The following DNAH11 variants were observed in gnomAD, a reference collection of about 807,000 sequenced individuals.
The protein encoded by DNAH11 is axonemal beta dynein heavy chain 11.
DNAH11 carries 442 observed loss-of-function variants against 526.0 expected under a neutral mutation model. The observed-to-expected ratio is 0.84, with a 90% CI of 0.78 to 0.91. The LOEUF (loss-of-function observed/expected upper bound fraction) is 0.91, where lower values mean the gene tolerates loss of function less well. Among genes scored for constraint, DNAH11 ranks in the 40% least tolerant of loss-of-function variants. DNAH11 has a pLI of 0.00. For synonymous variants in DNAH11, 2,461 were observed against 1,935.9 expected (o/e 1.27, Z -7.12); for missense variants, 6,989 against 5,448.7 (o/e 1.28, Z -8.90).
intron 20 of DNAH11, among the ~76,000 whole-genome samples, chr7:21,608,040 C>CTT (rs772313627): frequency 1.5e-5 from 2 of 129,646 alleles, no homozygotes; most frequent in African/African-American, 2.8e-5. Flanking sequence ...GCTATCTAAA[C>CTT]TTTTTTTTTT....
At chr7:21,604,026 A>G (rs1483964110) in intron 18 of DNAH11, among the ~76,000 whole-genome samples, 1 of 152,192 alleles carries the variant, frequency 6.6e-6, no homozygotes, top group African/African-American at 2.4e-5. Flanking sequence ...TATGTGGTGT[A>G]TTTGGAGGGT....
intron 65 of DNAH11, among the ~76,000 whole-genome samples, chr7:21,828,817 T>C (rs1790423837): frequency 6.6e-6 from 1 of 151,772 alleles, no homozygotes; most frequent in Non-Finnish European, 1.5e-5. Context: ...CCAATGTTGT[T>C]GTTGTTGTTG....
At chr7:21,897,892 C>G (rs1784581942) in intron 79 of DNAH11, among the ~76,000 whole-genome samples, 2 of 152,224 alleles carry the variant, frequency 1.3e-5, no homozygotes, top group Admixed American at 1.3e-4. Flanking sequence ...GCTGGGATTA[C>G]AGATGTGAGC....
Position 21,842,621 on chromosome 7 carries a change from C to A in DNAH11, c.10769C>A (p.Pro3590His). The A allele has an allele frequency of 6.2e-7, 1 of 1,613,908 alleles. No homozygotes were observed. The change falls in exon 66 of 82, where the codon CCT becomes CAT. Residue 3590 changes from proline (P) to histidine (H), a missense_variant. Pro to His is a moderately conservative substitution (Grantham distance 77, BLOSUM62 -2). Transcript: ENST00000409508. ...ATCCTTCACACAAAATTGGCAAATC[C>A]TCACTATAAGCCGGAATTACAAGCT... ...RLILHTKLAN[P>H]HYKPELQAQT...
chr7:21,779,064 T>G lies in DNAH11; in HGVS notation c.9443T>G (p.Val3148Gly). ...AAGATCGGCCTTCAGACGGAGAAAG[T>G]GAGCCGGGAAAAGACCATCGCTGAT... ...ITKIGLQTEK[V>G]SREKTIADAE... is the part of the protein sequence containing the mutation. Residue 3148 changes from valine (V) to glycine (G), a missense_variant, in exon 57 of 82, where the codon GTG becomes GGG. Coordinates refer to ENST00000409508, the MANE Select transcript of DNAH11 (RefSeq NM_001277115.2). 1 of 1,613,378 alleles carries G rather than the reference T, an allele frequency of 6.2e-7. No individual in the cohort carries two copies. The highest frequency in any genetic ancestry group is 1.1e-5 in the South Asian group (1 of 91,038).
intron 74 of DNAH11, among the ~76,000 whole-genome samples, chr7:21,873,783 G>GTTTTT (rs1783589697): frequency 1.0e-4 from 3 of 29,942 alleles, no homozygotes; most frequent in African/African-American, 2.2e-4. Context: ...TGAGGAGGTT[G>GTTTTT]CTTTTTTTTT....
chr7:21,723,159 C>A (rs1173844233), intron 44 of DNAH11, among the ~76,000 whole-genome samples: 7 of 152,182 alleles, frequency 4.6e-5, no homozygotes, highest in African/African-American at 1.4e-4. Flanking sequence ...CTCAGGATAG[C>A]CACTTGGTAG....
intron 55 of DNAH11, among the ~76,000 whole-genome samples, chr7:21,768,977 AAAACTT>A (rs1787302097): frequency 6.6e-6 from 1 of 152,220 alleles, no homozygotes; most frequent in Admixed American, 6.5e-5. Flanking sequence ...CATGTACCCT[AAAACTT>A]AAAGTATAAT....
intron 63 of DNAH11, among the ~76,000 whole-genome samples, chr7:21,814,849 C>G (rs1789705099): frequency 6.6e-6 from 1 of 151,830 alleles, no homozygotes; most frequent in Non-Finnish European, 1.5e-5. Context: ...GAAAATGATG[C>G]CTGTATTATA....
intron 20 of DNAH11, among the ~76,000 whole-genome samples, chr7:21,607,968 A>G (rs1039248197): frequency 2.1e-5 from 3 of 145,482 alleles, no homozygotes; most frequent in Non-Finnish European, 4.5e-5. Flanking sequence ...AAAGGCTTGT[A>G]TAATTAAGTA....
chr7:21,544,947 G>C, intron 1 of DNAH11, 59 bp from the exon 2 acceptor site: 1 of 1,420,976 alleles, frequency 7.0e-7, no homozygotes, highest in Non-Finnish European at 9.5e-7. Context: ...GTTGGATATA[G>C]TAAATCCTGC....
At chr7:21,900,925 T>C in intron 81 of DNAH11, 82 bp from the exon 82 acceptor site, 2 of 1,417,730 alleles carry the variant, frequency 1.4e-6, no homozygotes, top group Non-Finnish European at 1.8e-6. Flanking sequence ...TGTTGAATGT[T>C]TATTGCATCA....
At chr7:21,583,546 C>A (rs757474721) in intron 9 of DNAH11, among the ~76,000 whole-genome samples, 47 of 152,116 alleles carry the variant, frequency 3.1e-4, no homozygotes, top group Non-Finnish European at 5.4e-4. Context: ...GACTAAAACA[C>A]CAAAAGGAAT....
chr7:21,668,346 T>A (rs1782503571), intron 30 of DNAH11, among the ~76,000 whole-genome samples: 1 of 152,108 alleles, frequency 6.6e-6, no homozygotes, highest in African/African-American at 2.4e-5. Flanking sequence ...AAATAATATC[T>A]CTTCCTAGGG....
Position 21,616,208 on chromosome 7 carries a change from G to C in DNAH11, c.4012-1G>C. The C allele has an allele frequency of 1.9e-6, 3 of 1,613,102 alleles. No individual in the cohort carries two copies. Among genetic ancestry groups the C allele is most frequent in the Non-Finnish European group, 2.5e-6 (3 of 1,179,388 alleles). On this transcript the variant is annotated splice_acceptor_variant, in intron 21 of 81. Coordinates refer to ENST00000409508, the MANE Select transcript of DNAH11 (RefSeq NM_001277115.2). LOFTEE classifies it high-confidence loss of function. ...ACTTTTATCTGCTTTTGCGTTTTCA[G>C]AGAAGCATTGATAATTGGACTAAAA...
At chr7:21,654,984 G>C (rs953760837) in intron 28 of DNAH11, among the ~76,000 whole-genome samples, 4 of 152,184 alleles carry the variant, frequency 2.6e-5, no homozygotes, top group African/African-American at 7.2e-5. Context: ...TTGGAGGCCA[G>C]ATAGATTTTG....
chr7:21,644,196 A>G (rs1417890265), intron 28 of DNAH11, among the ~76,000 whole-genome samples: 1 of 152,206 alleles, frequency 6.6e-6, no homozygotes, highest in Non-Finnish European at 1.5e-5. Context: ...AATGAGCTTT[A>G]TATTAGGTGA....
chr7:21,698,486 A>T (rs920835147), intron 36 of DNAH11, among the ~76,000 whole-genome samples: 3 of 152,094 alleles, frequency 2.0e-5, no homozygotes, highest in Non-Finnish European at 4.4e-5. Flanking sequence ...CTTTTCTCCC[A>T]AGTCCCTGTA....
At chr7:21,596,385 G>A (rs1189828635) in intron 14 of DNAH11, among the ~76,000 whole-genome samples, 1 of 152,178 alleles carries the variant, frequency 6.6e-6, no homozygotes, top group Non-Finnish European at 1.5e-5. Context: ...GACGTGTAAG[G>A]GAGGTATTTA....
Sources: allele counts gnomAD v4.1 joint callset (sites outside exome capture counted in the v4.1 genomes callset), GRCh38; gene constraint gnomAD v4.1.1; transcripts MANE v1.5; gene names NCBI Gene and HGNC (gene_info 2026-07-23, HGNC 2026-07-21).